Variants in PLD5 observed in about 807,000 individuals in gnomAD.
PLD5 encodes phospholipase D family member 5.
In PLD5, 36 loss-of-function variants were observed where a neutral mutation model predicts 61.1. The observed-to-expected ratio is 0.59, with a 90% CI of 0.45 to 0.78. The LOEUF (loss-of-function observed/expected upper bound fraction) is 0.78. Ranked by LOEUF, PLD5 falls within the 30% of genes least tolerant of loss-of-function variation. PLD5 has a pLI of 0.00. For synonymous variants in PLD5, 243 were observed against 242.8 expected (o/e 1.00, Z -0.01); for missense variants, 515 against 644.4 (o/e 0.80, Z 2.17).
chr1:242,192,587 C>T (rs771247407), intron 5 of PLD5, among the ~76,000 whole-genome samples: 5 of 152,132 alleles, frequency 3.3e-5, no homozygotes, highest in Non-Finnish European at 7.4e-5. Context: ...CTCCAAAACA[C>T]TTTTCCTCAA....
intron 2 of PLD5, among the ~76,000 whole-genome samples, chr1:242,299,610 G>A: frequency 6.6e-6 from 1 of 152,160 alleles, no homozygotes; most frequent in East Asian, 1.9e-4. Flanking sequence ...CCAAATTCTG[G>A]GTGTTTTTCC....
chr1:242,282,838 A>G (rs985154898), intron 3 of PLD5, among the ~76,000 whole-genome samples: 2 of 152,214 alleles, frequency 1.3e-5, no homozygotes, highest in African/African-American at 2.4e-5. Flanking sequence ...GTGGCAACTC[A>G]TCATCCAGAC....
chr1:242,187,414 C>T (rs371945770), intron 5 of PLD5, among the ~76,000 whole-genome samples: 2 of 152,324 alleles, frequency 1.3e-5, no homozygotes, highest in East Asian at 3.9e-4. Context: ...TTGCATAAAA[C>T]AACCAAACTG....
chr1:242,524,064 C>T (rs1400337467), intron 1 of PLD5, 24 bp downstream of exon 1: 4 of 1,525,724 alleles, frequency 2.6e-6, no homozygotes, highest in East Asian at 2.5e-5. Flanking sequence ...CTGGCCGAGG[C>T]CCCCGGGAGC....
intron 8 of PLD5, 141 bp downstream of exon 8, chr1:242,107,530 A>G (rs1490228311): frequency 4.8e-6 from 4 of 829,064 alleles, no homozygotes; most frequent in East Asian, 2.7e-5. Context: ...ATTGTTTTGA[A>G]AAAATTACTT....
At chr1:242,267,334 G>T (rs1480083849) in intron 3 of PLD5, among the ~76,000 whole-genome samples, 2 of 152,152 alleles carry the variant, frequency 1.3e-5, no homozygotes, top group Non-Finnish European at 1.5e-5. Context: ...CTCTAGCCTG[G>T]AGCTGGCTGG....
chr1:242,432,547 C>T (rs1176300591), intron 1 of PLD5, among the ~76,000 whole-genome samples: 1 of 152,188 alleles, frequency 6.6e-6, no homozygotes, highest in African/African-American at 2.4e-5. Flanking sequence ...GGCTTAAAGC[C>T]ACTGACAGAT....
chr1:242,117,199 A>AG (rs1662012426), intron 6 of PLD5, among the ~76,000 whole-genome samples: 1 of 152,086 alleles, frequency 6.6e-6, no homozygotes, highest in South Asian at 2.1e-4. Flanking sequence ...TTCATTTGCC[A>AG]ACTCCCATCC....
chr1:242,296,232 A>T (rs1675648982), intron 2 of PLD5, among the ~76,000 whole-genome samples: 1 of 152,114 alleles, frequency 6.6e-6, no homozygotes, highest in Non-Finnish European at 1.5e-5. Context: ...TACTTTGACC[A>T]CTTTTTTCTT....
chr1:242,382,722 C>A (rs1203490640), intron 1 of PLD5, among the ~76,000 whole-genome samples: 2 of 152,014 alleles, frequency 1.3e-5, no homozygotes, highest in Non-Finnish European at 2.9e-5. Context: ...AGAAACCTTC[C>A]TGATTGAAAA....
At chr1:242,375,841 A>G (rs945339562) in intron 1 of PLD5, among the ~76,000 whole-genome samples, 1 of 152,146 alleles carries the variant, frequency 6.6e-6, no homozygotes, top group African/African-American at 2.4e-5. Context: ...GCCAATTGCA[A>G]TACACAGGCG....
intron 4 of PLD5, among the ~76,000 whole-genome samples, chr1:242,246,941 A>G (rs977823467): frequency 6.6e-6 from 1 of 151,918 alleles, no homozygotes; most frequent in Non-Finnish European, 1.5e-5. Flanking sequence ...CTTGAAGTGG[A>G]AGCTTATGAG....
intron 1 of PLD5, among the ~76,000 whole-genome samples, chr1:242,463,038 C>T (rs1490334991): frequency 6.6e-6 from 1 of 152,162 alleles, no homozygotes; most frequent in Non-Finnish European, 1.5e-5. Context: ...TACTCACTTC[C>T]GTGTCATTAT....
intron 2 of PLD5, among the ~76,000 whole-genome samples, chr1:242,303,708 A>G (rs1676188592): frequency 6.6e-6 from 1 of 152,230 alleles, no homozygotes; most frequent in South Asian, 2.1e-4. Flanking sequence ...AATTATTGCT[A>G]GTATTTGTTT....
At chr1:242,400,736 C>T (rs1274375622) in intron 1 of PLD5, among the ~76,000 whole-genome samples, 2 of 152,094 alleles carry the variant, frequency 1.3e-5, no homozygotes, top group African/African-American at 4.8e-5. Flanking sequence ...CCTGCTTTTC[C>T]AGCCCCCAAG....
rs569308837 is a variant in PLD5, at chr1:242,419,530, G to A, written c.190-71288C>T. 1.0e-4 allele frequency among the ~76,000 whole-genome samples: 15 copies of A among 149,462 alleles called. No homozygotes were observed. The South Asian group carries it at 2.8e-3, about 27-fold the overall frequency. On this transcript the variant is annotated intron_variant, in intron 1 of 9. Transcript: ENST00000536534. ...CCTGCCTCAGCCTCCTGAGTAGCTG[G>A]GACTACAGGCGCACACCACTACACC... is the stretch of plus-strand genomic sequence containing the variant.
At chr1:242,220,461 G>A (rs1670501449) in intron 4 of PLD5, among the ~76,000 whole-genome samples, 1 of 152,144 alleles carries the variant, frequency 6.6e-6, no homozygotes, top group Non-Finnish European at 1.5e-5. Context: ...TCTGGACGGT[G>A]AGATAGGTAC....
At chr1:242,231,667 C>T (rs766389844) in intron 4 of PLD5, among the ~76,000 whole-genome samples, 21 of 151,942 alleles carry the variant, frequency 1.4e-4, no homozygotes, top group Non-Finnish European at 2.1e-4. Context: ...AAAGATGTTT[C>T]GAGAGAATAA....
chr1:242,489,046 C>G (rs1350730054), intron 1 of PLD5, among the ~76,000 whole-genome samples: 3 of 152,128 alleles, frequency 2.0e-5, no homozygotes, highest in Non-Finnish European at 4.4e-5. Flanking sequence ...GAACTATTGA[C>G]ATCTGCACCA....
Sources: allele counts gnomAD v4.1 joint callset (sites outside exome capture counted in the v4.1 genomes callset), GRCh38; gene constraint gnomAD v4.1.1; transcripts MANE v1.5; gene names NCBI Gene and HGNC (gene_info 2026-07-23, HGNC 2026-07-21).